The following SYNCRIP variants were observed in gnomAD, a reference collection of about 807,000 sequenced individuals.
The protein encoded by SYNCRIP is synaptotagmin binding cytoplasmic RNA interacting protein.
A neutral mutation model predicts 68.9 loss-of-function variants in SYNCRIP; 9 were observed. The observed-to-expected ratio is 0.13, with a 90% CI of 0.08 to 0.23. The LOEUF (loss-of-function observed/expected upper bound fraction) is 0.23. SYNCRIP is among the 10% of genes least tolerant of loss of function. The pLI, the probability that SYNCRIP is intolerant of heterozygous loss-of-function variation, is 1.00. For missense variants in SYNCRIP, 414 were observed against 770.6 expected (o/e 0.54, Z 5.48); for synonymous variants, 258 against 254.0 (o/e 1.02, Z -0.15).
At chr6:85,620,610 A>T (rs180872465) in intron 8 of SYNCRIP, among the ~76,000 whole-genome samples, 2 of 152,332 alleles carry the variant, frequency 1.3e-5, no homozygotes, top group East Asian at 3.9e-4. Flanking sequence ...AAACCCACAG[A>T]ACATACATCT....
chr6:85,640,843 A>G (rs1318101085), intron 2 of SYNCRIP, among the ~76,000 whole-genome samples: 1 of 152,140 alleles, frequency 6.6e-6, no homozygotes, highest in Non-Finnish European at 1.5e-5. Flanking sequence ...CAGTATACAG[A>G]CTTACGAATC....
intron 6 of SYNCRIP, among the ~76,000 whole-genome samples, chr6:85,625,752 C>G (rs1305140317): frequency 2.0e-5 from 3 of 152,164 alleles, no homozygotes; most frequent in Non-Finnish European, 4.4e-5. Context: ...TTCTACCATA[C>G]AAGCTCCTCT....
intron 6 of SYNCRIP, among the ~76,000 whole-genome samples, chr6:85,628,057 CTTTTT>C (rs911243786): frequency 6.7e-6 from 1 of 149,326 alleles, no homozygotes; most frequent in East Asian, 2.0e-4. Context: ...TTGAAGATTT[CTTTTT>C]TTTTTCTTTT....
At chr6:85,609,140 A>G (rs1330740175), downstream of SYNCRIP, 3 of 151,996 alleles carry the variant, frequency 2.0e-5, no homozygotes, top group Non-Finnish European at 2.9e-5. Flanking sequence ...TGTGGTATAC[A>G]TAATTAGAGA....
At chr6:85,620,452 T>C (rs761838742) in intron 8 of SYNCRIP, among the ~76,000 whole-genome samples, 1 of 152,170 alleles carries the variant, frequency 6.6e-6, no homozygotes, top group Non-Finnish European at 1.5e-5. Context: ...GTTCCAACTA[T>C]GTAACATTCT....
chr6:85,633,974 G>A lies in SYNCRIP; in HGVS notation c.666+2993C>T, dbSNP rs1002393109. On this transcript the variant is annotated intron_variant, in intron 6 of 10. Coordinates refer to ENST00000369622, the MANE Select transcript of SYNCRIP (RefSeq NM_006372.5). Reference sequence around the variant, plus strand: ...TGCAAAGTCTCCTATTAATTAGATAGTACAAAATAATTATGCCCCCAGAAA... The same window carrying A: ...TGCAAAGTCTCCTATTAATTAGATAATACAAAATAATTATGCCCCCAGAAA... 3.9e-5 allele frequency among the ~76,000 whole-genome samples: 6 copies of A among 152,080 alleles called. No individual in the cohort carries two copies. The South Asian group carries it at 6.2e-4, about 16-fold the overall frequency.
intron 4 of SYNCRIP, among the ~76,000 whole-genome samples, chr6:85,638,704 CA>C (rs1808772681): frequency 1.3e-5 from 2 of 152,210 alleles, no homozygotes; most frequent in African/African-American, 4.8e-5. Context: ...AACTTGCTCA[CA>C]TCTATAACAT....
chr6:85,631,601 G>A (rs546764805), intron 6 of SYNCRIP, among the ~76,000 whole-genome samples: 4 of 152,174 alleles, frequency 2.6e-5, no homozygotes, highest in African/African-American at 7.2e-5. Context: ...TAGTAGCAGC[G>A]AAGAAGATAA....
intron 6 of SYNCRIP, among the ~76,000 whole-genome samples, chr6:85,626,779 T>C (rs1807085118): frequency 6.6e-6 from 1 of 152,210 alleles, no homozygotes; most frequent in Non-Finnish European, 1.5e-5. Flanking sequence ...CTGTTTCCAT[T>C]ATTATCTACA....
At chr6:85,615,578 T>G (rs1345126556) in intron 10 of SYNCRIP, among the ~76,000 whole-genome samples, 1 of 152,206 alleles carries the variant, frequency 6.6e-6, no homozygotes, top group Non-Finnish European at 1.5e-5. Context: ...GAACCTTATT[T>G]ATTTCTTCAT....
At chr6:85,643,595 T>C (rs1809464991), upstream of SYNCRIP, among the ~76,000 whole-genome samples, 1 of 143,888 alleles carries the variant, frequency 6.9e-6, no homozygotes, top group African/African-American at 2.6e-5. Context: ...GACTGGCATC[T>C]CCCCACCCCG....
At chr6:85,642,562 G>C (rs1809331857) in intron 1 of SYNCRIP, among the ~76,000 whole-genome samples, 1 of 152,168 alleles carries the variant, frequency 6.6e-6, no homozygotes, top group African/African-American at 2.4e-5. Context: ...CGGGACCGTG[G>C]AGGCGCCTCC....
Position 85,618,820 on chromosome 6 carries a change from T to C in SYNCRIP, c.1278A>G (p.Gln426=). ...RKAQRQAAKN[Q]MYDDYYYYGP... ...TTAAGTATACAAATTTCACTCACAT[T>C]TGATTTTTTGCTGCTTGCCTCTGAG... The change falls in exon 10 of 11, where the codon CAA becomes CAG. Residue 426 remains glutamine, a splice_region_variant and synonymous_variant. Transcript: ENST00000369622. 3 of 1,599,272 alleles carry C rather than the reference T, an allele frequency of 1.9e-6. No homozygotes were observed. The highest frequency in any genetic ancestry group is 2.6e-6 in the Non-Finnish European group (3 of 1,172,530).
chr6:85,628,322 C>T (rs956366764), intron 6 of SYNCRIP, among the ~76,000 whole-genome samples: 8 of 152,242 alleles, frequency 5.3e-5, no homozygotes, highest in African/African-American at 1.9e-4. Flanking sequence ...TCCCAAAATG[C>T]TGGGATCACA....
In SYNCRIP at chr6:85,623,558, T is replaced by C. The variant is rs1471449230; in HGVS notation, c.802+419A>G. 2.6e-4 allele frequency among the ~76,000 whole-genome samples: 5 copies of C among 19,190 alleles called. No individual in the cohort carries two copies. In the South Asian group the frequency reaches 7.0e-3, roughly 27 times the overall value. The allele number at this position is 19,190 out of a possible 152,430, so 12.6% of individuals were successfully genotyped here. A position where few individuals can be genotyped will look rare whatever the true frequency, so the allele number is the denominator to read the frequency against. ...CAGCCTGGGCAACAAAGCAAGACTGTCTCCAAAAAAAAAAAAAAAAAAAAA... is the reference window on the plus strand; with the variant it reads ...CAGCCTGGGCAACAAAGCAAGACTGCCTCCAAAAAAAAAAAAAAAAAAAAA... On this transcript the variant is annotated intron_variant, in intron 7 of 10. Coordinates refer to ENST00000369622, the MANE Select transcript of SYNCRIP (RefSeq NM_006372.5).
At chr6:85,642,497 C>T (rs1295662675) in intron 1 of SYNCRIP, among the ~76,000 whole-genome samples, 1 of 152,162 alleles carries the variant, frequency 6.6e-6, no homozygotes, top group Non-Finnish European at 1.5e-5. Context: ...TCCCGCGCCG[C>T]GGCGACCGCC....
At chr6:85,618,168 T>C (rs1805989954) in intron 10 of SYNCRIP, among the ~76,000 whole-genome samples, 1 of 152,190 alleles carries the variant, frequency 6.6e-6, no homozygotes, top group Non-Finnish European at 1.5e-5. Context: ...TCTCCACCCT[T>C]TAACAAAATG....
intron 6 of SYNCRIP, among the ~76,000 whole-genome samples, chr6:85,629,561 T>C (rs941580038): frequency 6.9e-6 from 1 of 144,804 alleles, no homozygotes; most frequent in African/African-American, 2.5e-5. Flanking sequence ...CGGTGGCTCA[T>C]GCCTGTAATC....
intron 10 of SYNCRIP, among the ~76,000 whole-genome samples, chr6:85,618,002 C>G (rs1262860125): frequency 6.6e-6 from 1 of 152,168 alleles, no homozygotes; most frequent in African/African-American, 2.4e-5. Context: ...TACTTGTTTT[C>G]TTATTGCACT....
Sources: gnomAD v4.1 joint callset for allele counts (sites outside exome capture counted in the v4.1 genomes callset) on GRCh38, gnomAD v4.1.1 for gene constraint, MANE v1.5 for transcripts, NCBI Gene and HGNC (gene_info 2026-07-23, HGNC 2026-07-21) for gene names.